Variants in GPR39 observed in about 807,000 individuals in gnomAD.
The protein encoded by GPR39 is G protein-coupled receptor 39.
A neutral mutation model predicts 18.4 loss-of-function variants in GPR39; 23 were observed. The ratio of observed to expected loss-of-function variants is 1.25; its 90% CI spans 0.90 to 1.77. The LOEUF (loss-of-function observed/expected upper bound fraction) is 1.77. GPR39 is among the 40% of genes most tolerant of loss of function. The pLI, the probability that GPR39 is intolerant of heterozygous loss-of-function variation, is 0.00. For missense variants in GPR39, 647 were observed against 602.4 expected (o/e 1.07, Z -0.78); for synonymous variants, 280 against 257.9 (o/e 1.09, Z -0.82).
At chr2:132,628,864 T>G (rs1200882408) in intron 1 of GPR39, among the ~76,000 whole-genome samples, 1 of 152,192 alleles carries the variant, frequency 6.6e-6, no homozygotes, top group Non-Finnish European at 1.5e-5. Flanking sequence ...TTTCCATATT[T>G]TTCAATAAAC....
chr2:132,448,309 GT>G (rs1430692531), intron 1 of GPR39, among the ~76,000 whole-genome samples: 4 of 152,204 alleles, frequency 2.6e-5, no homozygotes, highest in Non-Finnish European at 5.9e-5. Flanking sequence ...GGTGTGGATA[GT>G]TTTGGTTCTC....
At chr2:132,579,206 C>G (rs1221081535) in intron 1 of GPR39, among the ~76,000 whole-genome samples, 1 of 150,356 alleles carries the variant, frequency 6.7e-6, no homozygotes, top group Non-Finnish European at 1.5e-5. Context: ...TAACATTCCT[C>G]TTAAGACTTC....
intron 1 of GPR39, among the ~76,000 whole-genome samples, chr2:132,438,559 G>A (rs1573602327): frequency 7.7e-6 from 1 of 129,190 alleles, no homozygotes; most frequent in Non-Finnish European, 1.6e-5. Flanking sequence ...CATGATACCT[G>A]TAATGTCAGC....
chr2:132,448,751 C>T (rs1680582043), intron 1 of GPR39, among the ~76,000 whole-genome samples: 1 of 152,178 alleles, frequency 6.6e-6, no homozygotes, highest in Non-Finnish European at 1.5e-5. Context: ...TGCAATGTCT[C>T]TTCCATTTCA....
intron 1 of GPR39, among the ~76,000 whole-genome samples, chr2:132,455,670 G>C (rs1680708863): frequency 6.6e-6 from 1 of 152,120 alleles, no homozygotes; most frequent in South Asian, 2.1e-4. Context: ...CAGAGATTCT[G>C]GTATGTTGTG....
intron 1 of GPR39, among the ~76,000 whole-genome samples, chr2:132,475,214 T>C (rs1681103994): frequency 6.6e-6 from 1 of 151,838 alleles, no homozygotes; most frequent in Admixed American, 6.6e-5. Flanking sequence ...CTTTGCTGAG[T>C]AGTCTCTTCA....
At chr2:132,481,665 GA>G (rs1291624101) in intron 1 of GPR39, among the ~76,000 whole-genome samples, 1 of 152,174 alleles carries the variant, frequency 6.6e-6, no homozygotes, top group African/African-American at 2.4e-5. Context: ...CAGATACTTA[GA>G]AAATTTTCCT....
intron 1 of GPR39, among the ~76,000 whole-genome samples, chr2:132,473,942 G>A (rs998736589): frequency 2.6e-5 from 4 of 152,160 alleles, no homozygotes; most frequent in Non-Finnish European, 4.4e-5. Context: ...GAAACGTGAG[G>A]GTCTTGCTAG....
rs1680177205 is a variant in GPR39, at chr2:132,557,604, AGAG to A, written c.857-87496_857-87494del. 3.9e-5 allele frequency among the ~76,000 whole-genome samples: 6 copies of A among 151,964 alleles called. No homozygotes were observed. In the South Asian group the frequency reaches 1.2e-3, roughly 32 times the overall value. ...CTGAAAGAAAGGATGAGAGAGAGAG[AGAG>A]AGAGAGAGAGAGACCCAAGGTCAGG... On this transcript the variant is annotated intron_variant, in intron 1 of 1. Coordinates refer to ENST00000329321, the MANE Select transcript of GPR39 (RefSeq NM_001508.3).
Position 132,583,790 on chromosome 2 carries a change from C to A in GPR39, c.857-61311C>A, listed in dbSNP as rs1680673315. On this transcript the variant is annotated intron_variant, in intron 1 of 1. Transcript: ENST00000329321. Reference sequence around the variant, plus strand: ...GCTCACAGGTCTAGCAGTTAATGTTCCTTGTCAGGGACACTTCAGCTGAGG... The same window carrying A: ...GCTCACAGGTCTAGCAGTTAATGTTACTTGTCAGGGACACTTCAGCTGAGG... 2.6e-5 allele frequency among the ~76,000 whole-genome samples: 4 copies of A among 151,172 alleles called. No individual in the cohort carries two copies. In the South Asian group the frequency reaches 8.7e-4, roughly 33 times the overall value.
intron 1 of GPR39, among the ~76,000 whole-genome samples, chr2:132,460,542 A>G (rs958026533): frequency 6.6e-6 from 1 of 152,184 alleles, no homozygotes; most frequent in African/African-American, 2.4e-5. Flanking sequence ...ATAAAATAGT[A>G]ATTCAAACCA....
chr2:132,485,099 C>G (rs1375581892), intron 1 of GPR39, among the ~76,000 whole-genome samples: 3 of 152,130 alleles, frequency 2.0e-5, no homozygotes, highest in African/African-American at 7.2e-5. Flanking sequence ...ATTCCAGACC[C>G]CTGCAAGAAA....
intron 1 of GPR39, 93 bp from the exon 2 acceptor site, chr2:132,645,008 G>A: frequency 1.4e-6 from 2 of 1,421,200 alleles, no homozygotes; most frequent in Non-Finnish European, 1.9e-6. Flanking sequence ...ACAGAACAGA[G>A]GGGCTAAATA....
intron 1 of GPR39, among the ~76,000 whole-genome samples, chr2:132,573,773 C>G (rs769735897): frequency 6.6e-6 from 1 of 151,944 alleles, no homozygotes. Context: ...CAGCTGCCAC[C>G]GATAGGGGTA....
At chr2:132,554,824 C>T (rs1373041974) in intron 1 of GPR39, among the ~76,000 whole-genome samples, 1 of 152,196 alleles carries the variant, frequency 6.6e-6, no homozygotes, top group Non-Finnish European at 1.5e-5. Flanking sequence ...TAATGCTTTA[C>T]AAACTTTTTA....
chr2:132,576,048 A>G (rs1680523080), intron 1 of GPR39, among the ~76,000 whole-genome samples: 1 of 152,178 alleles, frequency 6.6e-6, no homozygotes, highest in Non-Finnish European at 1.5e-5. Flanking sequence ...AGTCTCCAGA[A>G]CCTTAAGAAA....
intron 1 of GPR39, among the ~76,000 whole-genome samples, chr2:132,576,251 G>C (rs932041400): frequency 6.6e-6 from 1 of 152,032 alleles, no homozygotes; most frequent in African/African-American, 2.4e-5. Flanking sequence ...TCTCTCAGTT[G>C]GTTGCTTATC....
At chr2:132,519,287 A>G (rs940059199) in intron 1 of GPR39, among the ~76,000 whole-genome samples, 25 of 151,756 alleles carry the variant, frequency 1.6e-4, no homozygotes, top group Non-Finnish European at 2.8e-4. Flanking sequence ...AAGGTTGTTT[A>G]TTATTATTAT....
chr2:132,552,885 T>C (rs1383388574), intron 1 of GPR39, among the ~76,000 whole-genome samples: 3 of 101,406 alleles, frequency 3.0e-5, no homozygotes, highest in African/African-American at 4.6e-5. Context: ...CATATATATA[T>C]ACACACATAT....
Sources: gnomAD v4.1 joint callset for allele counts (sites outside exome capture counted in the v4.1 genomes callset) on GRCh38, gnomAD v4.1.1 for gene constraint, MANE v1.5 for transcripts, NCBI Gene and HGNC (gene_info 2026-07-23, HGNC 2026-07-21) for gene names.